Variants in SLC4A10 observed in about 807,000 individuals in gnomAD.
SLC4A10 encodes solute carrier family 4 member 10.
Under a neutral mutation model 137.7 loss-of-function variants are expected in SLC4A10, and 42 were observed. The ratio of observed to expected loss-of-function variants is 0.30; its 90% CI spans 0.24 to 0.39. The LOEUF (loss-of-function observed/expected upper bound fraction) is 0.39. SLC4A10 is among the 10% of genes least tolerant of loss of function. The pLI, the probability that SLC4A10 is intolerant of heterozygous loss-of-function variation, is 1.00. For synonymous variants in SLC4A10, 474 were observed against 464.1 expected (o/e 1.02, Z -0.27); for missense variants, 925 against 1,355.0 (o/e 0.68, Z 4.98).
chr2:161,657,308 G>A lies in SLC4A10; in HGVS notation c.48+32742G>A, dbSNP rs546277501. Among the ~76,000 whole-genome samples the A allele has an allele frequency of 8.5e-5, 13 of 152,054 alleles. No homozygotes were observed. In the South Asian group the frequency reaches 1.4e-3, roughly 17 times the overall value. On this transcript the variant is annotated intron_variant, in intron 1 of 26. Transcript: ENST00000446997. ...GGGATCAGTGAGATGACATGTTAAAGTCATCTAGGATAAAGCCTGGCACAT... is the reference window on the plus strand; with the variant it reads ...GGGATCAGTGAGATGACATGTTAAAATCATCTAGGATAAAGCCTGGCACAT...
intron 3 of SLC4A10, among the ~76,000 whole-genome samples, chr2:161,813,890 C>T (rs759885922): frequency 1.4e-4 from 22 of 152,062 alleles, no homozygotes; most frequent in Non-Finnish European, 2.4e-4. Context: ...TCAACCCGTA[C>T]ACCAACCAGA....
chr2:161,879,275 C>T lies in SLC4A10; in HGVS notation c.1093C>T (p.Pro365Ser). The change falls in exon 9 of 27, where the codon CCA becomes TCA. Residue 365 changes from proline to serine, a missense_variant. Pro to Ser is a moderately conservative substitution (Grantham distance 74). Transcript: ENST00000446997. ...AVLLQGLAEV[P>S]IPTRFLFILL... ...ATTGCTTCAAGGACTGGCTGAAGTC[C>T]CAATCCCAACCAGGTAAAAAGTATA... is the stretch of plus-strand genomic sequence containing the variant. 1 of 1,608,892 alleles carries T rather than the reference C, an allele frequency of 6.2e-7. No homozygotes were observed.
chr2:161,689,944 CT>C (rs2041817775), intron 1 of SLC4A10, among the ~76,000 whole-genome samples: 1 of 152,120 alleles, frequency 6.6e-6, no homozygotes. Flanking sequence ...CTCCTCAAAA[CT>C]TTTCTGTTCT....
chr2:161,965,026 T>G (rs1359850482), intron 22 of SLC4A10, 25 bp from the exon 23 acceptor site: 3 of 1,598,870 alleles, frequency 1.9e-6, no homozygotes, highest in Non-Finnish European at 1.7e-6. Context: ...TTTTCCACTT[T>G]AAACTAGTTT....
intron 1 of SLC4A10, among the ~76,000 whole-genome samples, chr2:161,656,289 G>A (rs2037520991): frequency 6.6e-6 from 1 of 152,084 alleles, no homozygotes; most frequent in Non-Finnish European, 1.5e-5. Flanking sequence ...ACCTTTTTCT[G>A]ATAAAAACTC....
intron 19 of SLC4A10, among the ~76,000 whole-genome samples, chr2:161,955,945 A>G (rs1010826462): frequency 6.6e-6 from 1 of 152,056 alleles, no homozygotes; most frequent in East Asian, 1.9e-4. Flanking sequence ...TTTTCAAAAA[A>G]GTCAATTTGT....
At chr2:161,955,445 C>T (rs1263165028) in intron 19 of SLC4A10, among the ~76,000 whole-genome samples, 1 of 152,132 alleles carries the variant, frequency 6.6e-6, no homozygotes, top group Non-Finnish European at 1.5e-5. Flanking sequence ...GAGTCATATT[C>T]ATTCAGGAAA....
intron 1 of SLC4A10, among the ~76,000 whole-genome samples, chr2:161,654,162 G>A (rs969165217): frequency 2.6e-5 from 4 of 151,996 alleles, no homozygotes; most frequent in African/African-American, 4.8e-5. Context: ...TATAACACTG[G>A]CCATTTGTAT....
chr2:161,735,111 A>G (rs1248535519), intron 1 of SLC4A10, among the ~76,000 whole-genome samples: 1 of 150,384 alleles, frequency 6.6e-6, no homozygotes, highest in African/African-American at 2.4e-5. Flanking sequence ...AGTATCAGGT[A>G]GTATCTTTAT....
At chr2:161,770,848 T>C (rs2051500367) in intron 1 of SLC4A10, 125 bp from the exon 2 acceptor site, 1 of 623,674 alleles carries the variant, frequency 1.6e-6, no homozygotes, top group South Asian at 2.2e-5. Context: ...AATAGACTAC[T>C]CATGAACAAC....
intron 3 of SLC4A10, among the ~76,000 whole-genome samples, chr2:161,824,710 C>CT (rs1287049748): frequency 1.1e-4 from 17 of 152,130 alleles, no homozygotes; most frequent in Non-Finnish European, 1.5e-5. Context: ...CTAGGTTCAA[C>CT]TTTTTTTACA....
At chr2:161,935,717 T>G (rs148533432) in intron 15 of SLC4A10, among the ~76,000 whole-genome samples, 3 of 152,284 alleles carry the variant, frequency 2.0e-5, no homozygotes, top group African/African-American at 7.2e-5. Flanking sequence ...CTACCCATTT[T>G]TATGTGCAAA....
chr2:161,634,926 T>G (rs2034167756), intron 1 of SLC4A10, among the ~76,000 whole-genome samples: 1 of 152,046 alleles, frequency 6.6e-6, no homozygotes, highest in Non-Finnish European at 1.5e-5. Context: ...GAAACAACTT[T>G]TTAAGATTCC....
intron 6 of SLC4A10, among the ~76,000 whole-genome samples, chr2:161,871,004 C>A (rs1356481793): frequency 6.6e-6 from 1 of 151,732 alleles, no homozygotes; most frequent in Non-Finnish European, 1.5e-5. Context: ...TAATAAATGA[C>A]CCCTGCTTGA....
At chr2:161,962,713 C>T (rs1696928612) in intron 21 of SLC4A10, among the ~76,000 whole-genome samples, 1 of 151,978 alleles carries the variant, frequency 6.6e-6, no homozygotes, top group African/African-American at 2.4e-5. Context: ...ATGTATGATT[C>T]TTATTTAGAT....
At chr2:161,742,719 C>T (rs2048038428) in intron 1 of SLC4A10, among the ~76,000 whole-genome samples, 1 of 152,074 alleles carries the variant, frequency 6.6e-6, no homozygotes, top group Non-Finnish European at 1.5e-5. Context: ...GGATTACAGG[C>T]ATGAACCATG....
At chr2:161,910,823 A>C (rs943100021) in intron 15 of SLC4A10, among the ~76,000 whole-genome samples, 13 of 152,020 alleles carry the variant, frequency 8.6e-5, no homozygotes, top group African/African-American at 3.1e-4. Flanking sequence ...ACTGACTGAC[A>C]TGCAGAAGAG....
intron 1 of SLC4A10, among the ~76,000 whole-genome samples, chr2:161,677,033 A>G (rs189865162): frequency 7.2e-5 from 11 of 152,228 alleles, no homozygotes; most frequent in Non-Finnish European, 1.6e-4. Context: ...TCATGTTGAA[A>G]TTTGATCCCC....
At chr2:161,905,018 T>C in intron 14 of SLC4A10, 109 bp downstream of exon 14, 1 of 1,108,462 alleles carries the variant, frequency 9.0e-7, no homozygotes. Flanking sequence ...CAGAATTGCC[T>C]GATTTGTTTC....
Sources: allele counts gnomAD v4.1 joint callset (sites outside exome capture counted in the v4.1 genomes callset), GRCh38; gene constraint gnomAD v4.1.1; transcripts MANE v1.5; gene names NCBI Gene and HGNC (gene_info 2026-07-23, HGNC 2026-07-21).